The following FBXO10 variants were observed in gnomAD, a reference collection of about 807,000 sequenced individuals.
FBXO10 encodes F-box only protein 10.
In FBXO10, 39 loss-of-function variants were observed where a neutral mutation model predicts 80.7. The ratio of observed to expected loss-of-function variants is 0.48; its 90% CI spans 0.37 to 0.63. The LOEUF is 0.63. Among genes scored for constraint, FBXO10 ranks in the 30% least tolerant of loss-of-function variants. The pLI is 0.00. For missense variants in FBXO10, 1,025 were observed against 1,269.0 expected, an observed-to-expected ratio of 0.81 and a Z score of 2.92; for synonymous variants, 449 against 489.6, an observed-to-expected ratio of 0.92 and a Z score of 1.09.
chr9:37,522,214 G>T, intron 7 of FBXO10: 1 of 429,140 alleles, frequency 2.3e-6, no homozygotes, highest in Non-Finnish European at 3.2e-6. Context: ...GTGAGACCCT[G>T]AGCAGGTTAC....
chr9:37,526,119 G>A (rs1420938640), intron 5 of FBXO10, among the ~76,000 whole-genome samples: 1 of 151,938 alleles, frequency 6.6e-6, no homozygotes, highest in Non-Finnish European at 1.5e-5. Flanking sequence ...AGATACAGGA[G>A]GGATGAGAAA....
rs1250450940 is a variant in FBXO10 at position 37,537,292 on chromosome 9, C to A, written c.1237G>T (p.Glu413Ter). ...SCLVLNSLQQ[E>*]LQKDKEAMAL... ...ATGGCCTCCTTATCCTTCTGCAGCT[C>A]CTGCTGCAGTGAGTTCAGCACTAGG... The change falls in exon 3 of 11, where the codon GAG becomes TAG. Residue 413 changes from glutamate (E) to a stop codon, truncating the protein, a stop_gained. Transcript: ENST00000432825. LOFTEE classifies it high-confidence loss of function. The A allele has an allele frequency of 1.9e-6, 3 of 1,613,164 alleles. No homozygotes were observed. Among genetic ancestry groups the A allele is most frequent in the African/African-American group, 1.3e-5 (1 of 74,934 alleles).
At chr9:37,516,972 A>C (rs1382203722) in intron 9 of FBXO10, among the ~76,000 whole-genome samples, 1 of 151,714 alleles carries the variant, frequency 6.6e-6, no homozygotes, top group Non-Finnish European at 1.5e-5. Flanking sequence ...AAAAAAAAAA[A>C]AACAAAAAAA....
rs1162432091 is a variant in FBXO10, at chr9:37,537,233, G to A, written c.1296C>T (p.Ile432=). The A allele has an allele frequency of 6.2e-7, 1 of 1,613,958 alleles. No homozygotes were observed. ...TCCCGTCCCGGAAGAGGCACTTGCGGATGAGGCAGCCCTGCACGGAGTTGG... is the reference window on the plus strand; with the variant it reads ...TCCCGTCCCGGAAGAGGCACTTGCGAATGAGGCAGCCCTGCACGGAGTTGG... ...ALANSVQGCL[I]RKCLFRDGKG... Residue 432 remains isoleucine, a synonymous_variant, in exon 3 of 11, where the codon ATC becomes ATT. Transcript: ENST00000432825.
chr9:37,522,254 A>G (rs1355833824), intron 7 of FBXO10: 2 of 730,672 alleles, frequency 2.7e-6, no homozygotes, highest in South Asian at 6.0e-5. Context: ...CAGTTTTCTC[A>G]TCTTTTAAAT....
At chr9:37,566,525 G>A (rs1192960539) in intron 1 of FBXO10, among the ~76,000 whole-genome samples, 2 of 150,562 alleles carry the variant, frequency 1.3e-5, no homozygotes, top group African/African-American at 4.9e-5. Context: ...AGTATTGACA[G>A]GAAAAGAAAA....
chr9:37,573,656 A>G (rs1371579486), intron 1 of FBXO10, among the ~76,000 whole-genome samples: 1 of 152,210 alleles, frequency 6.6e-6, no homozygotes, highest in African/African-American at 2.4e-5. Context: ...AGAAGGAGAC[A>G]CTGGAATTCT....
intron 1 of FBXO10, among the ~76,000 whole-genome samples, chr9:37,552,843 T>G (rs1822236556): frequency 6.6e-6 from 1 of 152,186 alleles, no homozygotes; most frequent in African/African-American, 2.4e-5. Context: ...TGAAAATATG[T>G]GTCTGCACAC....
chr9:37,545,466 C>G (rs1373550525), intron 1 of FBXO10, among the ~76,000 whole-genome samples: 1 of 152,138 alleles, frequency 6.6e-6, no homozygotes, highest in Non-Finnish European at 1.5e-5. Flanking sequence ...CGTGAGCCAT[C>G]GAGCCTGGCC....
intron 1 of FBXO10, among the ~76,000 whole-genome samples, chr9:37,547,441 AAAAAAAC>A (rs562308525): frequency 1.3e-5 from 2 of 152,038 alleles, no homozygotes; most frequent in Non-Finnish European, 2.9e-5. Flanking sequence ...AAAACAAAAC[AAAAAAAC>A]AAAAAACAAA....
At chr9:37,562,352 C>G (rs1302039215) in intron 1 of FBXO10, among the ~76,000 whole-genome samples, 1 of 152,180 alleles carries the variant, frequency 6.6e-6, no homozygotes, top group African/African-American at 2.4e-5. Flanking sequence ...CTCACAAATT[C>G]TTTTGTGTGA....
At chr9:37,558,324 G>C (rs975605745) in intron 1 of FBXO10, among the ~76,000 whole-genome samples, 29 of 152,160 alleles carry the variant, frequency 1.9e-4, no homozygotes, top group Non-Finnish European at 2.2e-4. Flanking sequence ...AGTCTCAGGA[G>C]GGACTTGGAA....
At chr9:37,543,038 C>T (rs1391010028) in intron 1 of FBXO10, among the ~76,000 whole-genome samples, 1 of 152,162 alleles carries the variant, frequency 6.6e-6, no homozygotes, top group African/African-American at 2.4e-5. Context: ...CTGCTTGTTC[C>T]CAGATCAAGT....
intron 1 of FBXO10, among the ~76,000 whole-genome samples, chr9:37,568,060 G>A (rs73441333): frequency 0.012 from 1,901 of 152,246 alleles, 54 homozygotes; most frequent in African/African-American, 0.043. Flanking sequence ...ATTAAGGTGA[G>A]AGACTGCAAG....
rs1821053474 is a variant in FBXO10 at position 37,511,503 on chromosome 9, G to A, written c.*1044C>T. On this transcript the variant is annotated 3_prime_UTR_variant, in exon 11 of 11. Coordinates refer to ENST00000432825, the MANE Select transcript of FBXO10 (RefSeq NM_012166.3). ...ATGGACCCAGATAGCTCCAGGACAA[G>A]GCAGAAAGTGCTCAGTACCCTGAGA... The A allele has an allele frequency of 1.3e-5, 2 of 153,208 alleles. No homozygotes were observed. Among genetic ancestry groups the A allele is most frequent in the Non-Finnish European group, 1.5e-5 (1 of 68,504 alleles). The allele number at this position is 153,208 out of a possible 1,614,324, so 9.5% of individuals were successfully genotyped here. A position where few individuals can be genotyped will look rare whatever the true frequency, so the allele number is the denominator to read the frequency against.
chr9:37,550,620 C>T (rs1361218704), intron 1 of FBXO10, among the ~76,000 whole-genome samples: 1 of 151,772 alleles, frequency 6.6e-6, no homozygotes, highest in African/African-American at 2.4e-5. Flanking sequence ...GCTGGGACTA[C>T]AGGCCTGCAC....
chr9:37,522,746 G>T, intron 7 of FBXO10, 79 bp downstream of exon 7: 1 of 1,484,186 alleles, frequency 6.7e-7, no homozygotes, highest in Non-Finnish European at 9.1e-7. Flanking sequence ...GAAAGGCAGT[G>T]ACCTTCTCAG....
intron 1 of FBXO10, among the ~76,000 whole-genome samples, chr9:37,573,645 GAGA>G (rs1319681031): frequency 1.3e-5 from 2 of 152,186 alleles, no homozygotes; most frequent in African/African-American, 4.8e-5. Context: ...AGAGAGGCTG[GAGA>G]AGGAGACACT....
chr9:37,560,700 G>A (rs1222850892), intron 1 of FBXO10, among the ~76,000 whole-genome samples: 1 of 151,822 alleles, frequency 6.6e-6, no homozygotes, highest in Non-Finnish European at 1.5e-5. Context: ...CTCTGCATGT[G>A]GAATTAAAAG....
Sources: allele counts gnomAD v4.1 joint callset (sites outside exome capture counted in the v4.1 genomes callset), GRCh38; gene constraint gnomAD v4.1.1; transcripts MANE v1.5; gene names NCBI Gene and HGNC (gene_info 2026-07-23, HGNC 2026-07-21).